The following SCD5 variants were observed in gnomAD, a reference collection of about 807,000 sequenced individuals.
SCD5 encodes the protein stearoyl-CoA desaturase 5.
In SCD5, 20 loss-of-function variants were observed where a neutral mutation model predicts 30.4. The observed-to-expected ratio is 0.66, with a 90% CI of 0.46 to 0.96. The LOEUF (loss-of-function observed/expected upper bound fraction) is 0.96. Ranked by LOEUF, SCD5 falls within the 40% of genes least tolerant of loss-of-function variation. The probability of loss-of-function intolerance (pLI) is 0.00; values close to 1 mark genes in which losing one functional copy is unlikely to be tolerated. For synonymous variants in SCD5, 173 were observed against 176.4 expected (o/e 0.98, Z 0.16); for missense variants, 381 against 443.3 (o/e 0.86, Z 1.26).
intron 1 of SCD5, among the ~76,000 whole-genome samples, chr4:82,747,069 G>GCACCCCCCCCCCC (rs764855858): frequency 7.2e-6 from 1 of 139,698 alleles, no homozygotes. Context: ...TGGGCAACCT[G>GCACCCCCCCCCCC]CCCCCCAAGA....
At chr4:82,687,893 C>CATTT (rs1210348613) in intron 2 of SCD5, among the ~76,000 whole-genome samples, 1 of 152,182 alleles carries the variant, frequency 6.6e-6, no homozygotes, top group Non-Finnish European at 1.5e-5. Flanking sequence ...TAAATGGCAA[C>CATTT]AGAGGACACT....
intron 1 of SCD5, among the ~76,000 whole-genome samples, chr4:82,715,689 G>A (rs1199324770): frequency 6.6e-6 from 1 of 151,698 alleles, no homozygotes; most frequent in Non-Finnish European, 1.5e-5. Context: ...CTTGGTGTGG[G>A]AAATGAGGTC....
At chr4:82,637,880 T>A (rs72911243) in intron 3 of SCD5, among the ~76,000 whole-genome samples, 7,565 of 152,140 alleles carry the variant, frequency 0.05, 240 homozygotes, top group South Asian at 0.13. Context: ...TTTTTAAAAA[T>A]TTTTAAGTCC....
chr4:82,698,553 C>T (rs1719747525), intron 2 of SCD5, among the ~76,000 whole-genome samples: 1 of 152,238 alleles, frequency 6.6e-6, no homozygotes, highest in Non-Finnish European at 1.5e-5. Flanking sequence ...GCAGTGCCTT[C>T]CTGTGATATG....
At chr4:82,712,258 ATATATATATATATATATAT>A (rs1720111665) in intron 1 of SCD5, among the ~76,000 whole-genome samples, 1 of 34,478 alleles carries the variant, frequency 2.9e-5, no homozygotes, top group Non-Finnish European at 4.9e-5. Context: ...ATATATATAT[ATATATATATATATATATAT>A]ATATATATAT....
At chr4:82,654,715 G>A (rs1356551426) in intron 3 of SCD5, among the ~76,000 whole-genome samples, 1 of 152,144 alleles carries the variant, frequency 6.6e-6, no homozygotes, top group East Asian at 1.9e-4. Context: ...GTGGCACTCT[G>A]CAACTTGTCT....
intron 2 of SCD5, among the ~76,000 whole-genome samples, chr4:82,690,563 C>T (rs938587932): frequency 1.8e-4 from 27 of 152,334 alleles, no homozygotes; most frequent in Admixed American, 3.9e-4. Context: ...AACCTTCTAA[C>T]TGCCTCCCAC....
intron 3 of SCD5, among the ~76,000 whole-genome samples, chr4:82,644,430 C>T (rs547274030): frequency 6.6e-6 from 1 of 152,324 alleles, no homozygotes; most frequent in East Asian, 1.9e-4. Context: ...GGATACACTG[C>T]TGGGCTGGCA....
intron 3 of SCD5, among the ~76,000 whole-genome samples, chr4:82,671,439 C>A (rs961183542): frequency 6.6e-6 from 1 of 152,138 alleles, no homozygotes. Context: ...GCAGAATATG[C>A]ATTCTTCTCA....
At chr4:82,729,195 T>C (rs1389760819) in intron 1 of SCD5, among the ~76,000 whole-genome samples, 1 of 152,124 alleles carries the variant, frequency 6.6e-6, no homozygotes. Flanking sequence ...CAAGGGTTTG[T>C]GGTAAACTAC....
chr4:82,783,263 G>C (rs562806353), intron 1 of SCD5, among the ~76,000 whole-genome samples: 8 of 152,282 alleles, frequency 5.3e-5, no homozygotes, highest in African/African-American at 1.9e-4. Context: ...GGGAGAGTTA[G>C]TAGGAAAAAG....
chr4:82,774,429 A>G (rs1721697176), intron 1 of SCD5, among the ~76,000 whole-genome samples: 1 of 152,206 alleles, frequency 6.6e-6, no homozygotes, highest in Non-Finnish European at 1.5e-5. Flanking sequence ...CATAGAGAAA[A>G]AAGGCTGAAA....
intron 1 of SCD5, among the ~76,000 whole-genome samples, chr4:82,768,251 C>T (rs1721536053): frequency 6.6e-6 from 1 of 152,178 alleles, no homozygotes; most frequent in African/African-American, 2.4e-5. Flanking sequence ...GGGACATTTG[C>T]TGGCTTATGG....
At chr4:82,702,448 C>G (rs1719871806) in intron 2 of SCD5, among the ~76,000 whole-genome samples, 1 of 151,984 alleles carries the variant, frequency 6.6e-6, no homozygotes, top group African/African-American at 2.4e-5. Flanking sequence ...CCCAGCCCAT[C>G]ATCATTTTTT....
chr4:82,712,200 CCAAGAGATTCTG>C (rs1262603821), intron 1 of SCD5, among the ~76,000 whole-genome samples: 2 of 122,036 alleles, frequency 1.6e-5, no homozygotes, highest in African/African-American at 6.1e-5. Flanking sequence ...GGACCCCAGC[CCAAGAGATTCTG>C]ACTCAATAGG....
At chr4:82,785,380 C>A (rs997755794) in intron 1 of SCD5, among the ~76,000 whole-genome samples, 1 of 152,204 alleles carries the variant, frequency 6.6e-6, no homozygotes, top group South Asian at 2.1e-4. Flanking sequence ...AGCTTTAAGA[C>A]ATCAAAGGAA....
intron 2 of SCD5, among the ~76,000 whole-genome samples, chr4:82,681,607 C>CAAA: frequency 6.6e-6 from 1 of 152,024 alleles, no homozygotes; most frequent in East Asian, 1.9e-4. Flanking sequence ...CATAGGGGAA[C>CAAA]AAAACATCCT....
Position 82,716,945 on chromosome 4 carries a change from T to C in SCD5, c.233-11532A>G, listed in dbSNP as rs187105553. ...CAATATACTGTAACAACTACTTACA[T>C]AGCATTTACATTGTTTTGGGTATTA... On this transcript the variant is annotated intron_variant, in intron 1 of 4. Coordinates refer to ENST00000319540, the MANE Select transcript of SCD5 (RefSeq NM_001037582.3). Among the ~76,000 whole-genome samples the C allele has an allele frequency of 1.4e-3, 220 of 151,964 alleles. 6 individuals are homozygous for C. Among genetic ancestry groups the C allele is most frequent in the Admixed American group, 0.014 (217 of 15,288 alleles).
In SCD5 at chr4:82,782,030, C is replaced by A. The variant is rs1353476852; in HGVS notation, c.232+16276G>T. Among the ~76,000 whole-genome samples, 4 of 151,724 alleles carry A rather than the reference C, an allele frequency of 2.6e-5. No individual in the cohort carries two copies. In the East Asian group the frequency reaches 5.8e-4, roughly 22 times the overall value. The stretch of plus-strand genomic sequence containing the variant: ...CTCAGTTGCATTTAACATCTAGAGC[C>A]TGGCTGTCTTTCCGCCCATTTGTCA... On this transcript the variant is annotated intron_variant, in intron 1 of 4. Transcript: ENST00000319540.
Sources: gnomAD v4.1 joint callset for allele counts (sites outside exome capture counted in the v4.1 genomes callset) on GRCh38, gnomAD v4.1.1 for gene constraint, MANE v1.5 for transcripts, NCBI Gene and HGNC (gene_info 2026-07-23, HGNC 2026-07-21) for gene names.